Variants in NKAIN2 observed in about 807,000 individuals in gnomAD.
NKAIN2 encodes sodium/potassium-transporting ATPase subunit beta-1-interacting protein 2.
In NKAIN2, 14 loss-of-function variants were observed where a neutral mutation model predicts 32.6. The ratio of observed to expected loss-of-function variants is 0.43; its 90% CI spans 0.28 to 0.67. NKAIN2 has a LOEUF of 0.67. NKAIN2 is among the 30% of genes least tolerant of loss of function. The pLI, the probability that NKAIN2 is intolerant of heterozygous loss-of-function variation, is 0.17. For missense variants in NKAIN2, 198 were observed against 258.3 expected, an observed-to-expected ratio of 0.77 and a Z score of 1.60; for synonymous variants, 80 against 87.2, an observed-to-expected ratio of 0.92 and a Z score of 0.46.
chr6:124,138,672 T>A (rs930617932), intron 1 of NKAIN2, among the ~76,000 whole-genome samples: 4 of 117,258 alleles, frequency 3.4e-5, no homozygotes, highest in East Asian at 2.6e-4. Context: ...TATTATTAAT[T>A]ATGTTATATA....
At chr6:123,891,383 G>T (rs1270625645) in intron 1 of NKAIN2, among the ~76,000 whole-genome samples, 2 of 152,164 alleles carry the variant, frequency 1.3e-5, no homozygotes, top group African/African-American at 2.4e-5. Context: ...GAGCCAACGG[G>T]ATATCATGTG....
At chr6:124,240,906 A>T (rs749192515) in intron 1 of NKAIN2, among the ~76,000 whole-genome samples, 8 of 152,160 alleles carry the variant, frequency 5.3e-5, no homozygotes, top group Non-Finnish European at 1.0e-4. Flanking sequence ...ATCAGGCAAG[A>T]TAAAGAAATA....
chr6:124,814,062 T>C (rs1354364552), intron 5 of NKAIN2, among the ~76,000 whole-genome samples: 2 of 152,170 alleles, frequency 1.3e-5, no homozygotes, highest in African/African-American at 4.8e-5. Flanking sequence ...AATTCAATTT[T>C]TGAGAAGGAA....
chr6:124,088,750 T>C (rs1275809534), intron 1 of NKAIN2, among the ~76,000 whole-genome samples: 1 of 152,078 alleles, frequency 6.6e-6, no homozygotes, highest in Non-Finnish European at 1.5e-5. Flanking sequence ...TTGCATATGG[T>C]ACATTATTTA....
At chr6:123,814,541 T>C (rs1185623061) in intron 1 of NKAIN2, among the ~76,000 whole-genome samples, 3 of 152,206 alleles carry the variant, frequency 2.0e-5, no homozygotes, top group African/African-American at 7.2e-5. Context: ...ATCCTAAAGG[T>C]AGACCTGTGG....
At chr6:123,950,382 C>A (rs1235853490) in intron 1 of NKAIN2, among the ~76,000 whole-genome samples, 1 of 151,788 alleles carries the variant, frequency 6.6e-6, no homozygotes, top group Non-Finnish European at 1.5e-5. Flanking sequence ...GGTGCTAGTT[C>A]TTCTTTGAAA....
intron 1 of NKAIN2, among the ~76,000 whole-genome samples, chr6:123,956,209 G>T (rs1424898286): frequency 6.6e-6 from 1 of 152,190 alleles, no homozygotes; most frequent in Admixed American, 6.5e-5. Context: ...AGGAAAACCG[G>T]TATCTATTTC....
chr6:124,116,073 C>T (rs927298399), intron 1 of NKAIN2, among the ~76,000 whole-genome samples: 2 of 152,004 alleles, frequency 1.3e-5, no homozygotes, highest in East Asian at 3.9e-4. Flanking sequence ...TTTCAAAGCA[C>T]GTTCAGCTCT....
At chr6:123,929,110 T>A (rs1776138747) in intron 1 of NKAIN2, among the ~76,000 whole-genome samples, 1 of 152,168 alleles carries the variant, frequency 6.6e-6, no homozygotes, top group Admixed American at 6.5e-5. Flanking sequence ...GGAAGGATAA[T>A]GAAGATGAGG....
At chr6:124,297,394 T>C (rs1796099901) in intron 2 of NKAIN2, among the ~76,000 whole-genome samples, 1 of 152,168 alleles carries the variant, frequency 6.6e-6, no homozygotes, top group Non-Finnish European at 1.5e-5. Context: ...TTTACTATTA[T>C]GTAAAAGTGG....
At chr6:124,499,283 C>T (rs972545650) in intron 3 of NKAIN2, among the ~76,000 whole-genome samples, 1 of 151,728 alleles carries the variant, frequency 6.6e-6, no homozygotes, top group Admixed American at 6.6e-5. Flanking sequence ...ATAGACAGGC[C>T]CTACTGGAAA....
chr6:124,224,930 C>G (rs924106019), intron 1 of NKAIN2, among the ~76,000 whole-genome samples: 28 of 151,984 alleles, frequency 1.8e-4, no homozygotes, highest in African/African-American at 6.5e-4. Flanking sequence ...TAAGCTATTT[C>G]TCTTATTATA....
intron 5 of NKAIN2, among the ~76,000 whole-genome samples, chr6:124,812,752 G>A (rs1780961077): frequency 1.3e-5 from 2 of 151,348 alleles, no homozygotes; most frequent in African/African-American, 4.9e-5. Context: ...TTCTTTAAAA[G>A]CAGCAATATG....
At chr6:124,460,463 A>G (rs1311921637) in intron 3 of NKAIN2, among the ~76,000 whole-genome samples, 2 of 148,688 alleles carry the variant, frequency 1.3e-5, no homozygotes, top group African/African-American at 5.1e-5. Context: ...AAATGTCTTT[A>G]GTTAACCCTC....
chr6:124,386,808 T>G (rs1772919808), intron 3 of NKAIN2, among the ~76,000 whole-genome samples: 1 of 152,164 alleles, frequency 6.6e-6, no homozygotes, highest in South Asian at 2.1e-4. Context: ...ATCTCATCCC[T>G]TCCCAAAACA....
chr6:123,913,515 C>CA (rs1346767875), intron 1 of NKAIN2, among the ~76,000 whole-genome samples: 1 of 152,092 alleles, frequency 6.6e-6, no homozygotes, highest in Non-Finnish European at 1.5e-5. Flanking sequence ...CTTCTTACTA[C>CA]AAAAAACCTC....
chr6:124,576,156 A>G (rs1781326677), intron 3 of NKAIN2, among the ~76,000 whole-genome samples: 1 of 152,212 alleles, frequency 6.6e-6, no homozygotes, highest in Admixed American at 6.5e-5. Context: ...TATGATTTCG[A>G]GTGACAAATT....
chr6:124,506,508 C>A (rs894308936), intron 3 of NKAIN2, among the ~76,000 whole-genome samples: 1 of 152,140 alleles, frequency 6.6e-6, no homozygotes, highest in African/African-American at 2.4e-5. Flanking sequence ...CAGAATGGCC[C>A]CAATTGAGGT....
In NKAIN2 at chr6:124,221,696, C is replaced by T. The variant is rs142377538; in HGVS notation, c.55-61309C>T. 8.2e-3 allele frequency among the ~76,000 whole-genome samples: 1,251 copies of T among 152,204 alleles called. 11 individuals are homozygous for T. Among genetic ancestry groups the T allele is most frequent in the Non-Finnish European group, 0.011 (741 of 68,020 alleles). Reference sequence around the variant, plus strand: ...GATGGAGCTCAGAATTTCATGAACCCCAATTCCATACATGTAGAGGCCATA... The same window carrying T: ...GATGGAGCTCAGAATTTCATGAACCTCAATTCCATACATGTAGAGGCCATA... On this transcript the variant is annotated intron_variant, in intron 1 of 6. Coordinates refer to ENST00000368417, the MANE Select transcript of NKAIN2 (RefSeq NM_001040214.3).
Sources: allele counts gnomAD v4.1 joint callset (sites outside exome capture counted in the v4.1 genomes callset), GRCh38; gene constraint gnomAD v4.1.1; transcripts MANE v1.5; gene names NCBI Gene and HGNC (gene_info 2026-07-23, HGNC 2026-07-21).